The following EYS variants were observed in gnomAD, a reference collection of about 807,000 sequenced individuals.
EYS encodes the protein protein eyes shut homolog.
EYS carries 250 observed loss-of-function variants against 282.1 expected under a neutral mutation model. The observed-to-expected ratio is 0.89, with a 90% confidence interval of 0.80 to 0.98. The LOEUF (loss-of-function observed/expected upper bound fraction) is 0.98. Among genes scored for constraint, EYS ranks in the 50% least tolerant of loss-of-function variants. The probability of loss-of-function intolerance (pLI) is 0.00; values close to 1 mark genes in which losing one functional copy is unlikely to be tolerated. For missense variants in EYS, 4,016 were observed against 3,709.0 expected (o/e 1.08, Z -2.15); for synonymous variants, 1,355 against 1,282.9 (o/e 1.06, Z -1.20).
intron 28 of EYS, among the ~76,000 whole-genome samples, chr6:64,415,556 T>C (rs1774033772): frequency 6.6e-6 from 1 of 152,176 alleles, no homozygotes; most frequent in Non-Finnish European, 1.5e-5. Context: ...CTTGGATGTG[T>C]TATGAATGAG....
chr6:65,187,971 G>C (rs1292530255), intron 12 of EYS, among the ~76,000 whole-genome samples: 2 of 151,460 alleles, frequency 1.3e-5, no homozygotes, highest in Non-Finnish European at 3.0e-5. Context: ...CTTTTCTTAA[G>C]ACATTAGAGT....
chr6:64,542,625 T>C (rs1310475894), intron 26 of EYS, among the ~76,000 whole-genome samples: 1 of 152,068 alleles, frequency 6.6e-6, no homozygotes, highest in Non-Finnish European at 1.5e-5. Flanking sequence ...ATTAAAGCAA[T>C]GCTCAATTTT....
intron 2 of EYS, among the ~76,000 whole-genome samples, chr6:65,603,533 G>A (rs1247214706): frequency 5.3e-5 from 8 of 151,978 alleles, no homozygotes; most frequent in South Asian, 4.1e-4. Flanking sequence ...CCTGTTACCT[G>A]AGAAGGCAAT....
chr6:65,335,239 C>A, intron 10 of EYS, 93 bp from the exon 11 acceptor site: 1 of 879,118 alleles, frequency 1.1e-6, no homozygotes. Context: ...AGATGCCTCT[C>A]TGTCTACTAA....
intron 8 of EYS, among the ~76,000 whole-genome samples, chr6:65,382,524 G>C (rs998753784): frequency 2.6e-4 from 37 of 140,704 alleles, no homozygotes; most frequent in African/African-American, 9.2e-4. Flanking sequence ...TCATCCTTAT[G>C]CTATGTATTA....
chr6:65,052,795 A>G (rs1007503639), intron 13 of EYS, among the ~76,000 whole-genome samples: 1 of 151,716 alleles, frequency 6.6e-6, no homozygotes, highest in Non-Finnish European at 1.5e-5. Context: ...TTTATTTGCT[A>G]AGTTCAGTTT....
chr6:65,421,946 T>C (rs1767480873), intron 5 of EYS, among the ~76,000 whole-genome samples: 1 of 151,876 alleles, frequency 6.6e-6, no homozygotes, highest in Admixed American at 6.6e-5. Context: ...GAGCCCCATG[T>C]AGATATAACA....
chr6:63,950,053 A>G (rs1582015635), intron 35 of EYS, among the ~76,000 whole-genome samples: 1 of 152,136 alleles, frequency 6.6e-6, no homozygotes. Flanking sequence ...GGCACCTGTA[A>G]TACCAGCTAC....
chr6:64,294,747 G>A (rs1220873001), intron 30 of EYS, among the ~76,000 whole-genome samples: 1 of 152,126 alleles, frequency 6.6e-6, no homozygotes, highest in Non-Finnish European at 1.5e-5. Context: ...GATACAAATA[G>A]TGGCACCACC....
chr6:64,062,648 A>G (rs3003685), intron 33 of EYS, among the ~76,000 whole-genome samples: 16,458 of 148,544 alleles, frequency 0.11, 1,802 homozygotes, highest in African/African-American at 0.28. Flanking sequence ...CCGAGATCGC[A>G]CCATTGCACT....
At chr6:65,509,519 A>G (rs765281457) in intron 2 of EYS, among the ~76,000 whole-genome samples, 1 of 152,144 alleles carries the variant, frequency 6.6e-6, no homozygotes, top group Non-Finnish European at 1.5e-5. Flanking sequence ...TCTTTGGTAA[A>G]ATAACTGTTC....
At chr6:64,552,340 G>A (rs1021233913) in intron 26 of EYS, among the ~76,000 whole-genome samples, 13 of 152,116 alleles carry the variant, frequency 8.5e-5, no homozygotes, top group East Asian at 5.8e-4. Flanking sequence ...AAATGGCCCC[G>A]CAAAGCTGTC....
chr6:64,945,774 C>CATAAAATATGAGAACA lies in EYS; in HGVS notation c.2381+18_2381+19insTGTTCTCATATTTTAT, dbSNP rs1769266643. Reference sequence around the variant, plus strand: ...ACTCCAAGTAATTTCATGAAGAAAGCTAAAAATATGTTACTCACCGATAGC... The same window carrying CATAAAATATGAGAACA: ...ACTCCAAGTAATTTCATGAAGAAAGCATAAAATATGAGAACATAAAAATATGTTACTCACCGATAGC... On this transcript the variant is annotated intron_variant, in intron 15 of 42. Transcript: ENST00000503581. The CATAAAATATGAGAACA allele has an allele frequency of 6.5e-7, 1 of 1,547,080 alleles. No homozygotes were observed. The highest frequency in any genetic ancestry group is 2.0e-5 in the Admixed American group (1 of 50,752).
At chr6:65,347,808 A>T (rs1461972949) in intron 9 of EYS, among the ~76,000 whole-genome samples, 1 of 151,614 alleles carries the variant, frequency 6.6e-6, no homozygotes, top group African/African-American at 2.4e-5. Flanking sequence ...GTTCTATCAG[A>T]TACTAGATCT....
At position 65,439,625 on chromosome 6, in the gene EYS, T is replaced by C. The variant is rs143191153; in HGVS notation, c.863-34258A>G. On this transcript the variant is annotated intron_variant, in intron 5 of 42. Transcript: ENST00000503581. ...TCTTTGAAGCAATTGTGAATGGGAG[T>C]TCACTCATGATTTGGCTCTCTGTTT... 5.7e-3 allele frequency among the ~76,000 whole-genome samples: 862 copies of C among 152,162 alleles called. 12 individuals carry two copies. The highest frequency in any genetic ancestry group is 0.019 in the African/African-American group (769 of 41,508).
At chr6:63,935,605 G>GCCACGTGAGGAAAGA (rs1272284755) in intron 35 of EYS, among the ~76,000 whole-genome samples, 2 of 152,128 alleles carry the variant, frequency 1.3e-5, no homozygotes, top group African/African-American at 4.8e-5. Context: ...TAGAGGAAAG[G>GCCACGTGAGGAAAGA]CCACGTGAGG....
chr6:65,648,702 T>G (rs1213121090), intron 1 of EYS, among the ~76,000 whole-genome samples: 1 of 115,262 alleles, frequency 8.7e-6, no homozygotes. Flanking sequence ...AAACACCTAT[T>G]GAAATAAAAA....
intron 35 of EYS, among the ~76,000 whole-genome samples, chr6:63,872,630 C>T (rs754102525): frequency 5.9e-5 from 9 of 151,926 alleles, no homozygotes; most frequent in Non-Finnish European, 5.9e-5. Context: ...AGGCACATGC[C>T]GCCATGCCTG....
chr6:64,715,031 G>T (rs1437249995), intron 22 of EYS, among the ~76,000 whole-genome samples: 2 of 144,472 alleles, frequency 1.4e-5, no homozygotes, highest in Non-Finnish European at 3.0e-5. Flanking sequence ...GCAGTCCCCA[G>T]TTTTTTTTTT....
Sources: allele counts gnomAD v4.1 joint callset (sites outside exome capture counted in the v4.1 genomes callset), GRCh38; gene constraint gnomAD v4.1.1; transcripts MANE v1.5; gene names NCBI Gene and HGNC (gene_info 2026-07-23, HGNC 2026-07-21).